The following PATJ variants were observed in gnomAD, a reference collection of about 807,000 sequenced individuals.
PATJ encodes the protein PATJ crumbs cell polarity complex component.
Under a neutral mutation model 224.9 loss-of-function variants are expected in PATJ, and 190 were observed. The observed-to-expected ratio is 0.84, with a 90% CI of 0.75 to 0.95. The LOEUF is 0.95. Among genes scored for constraint, PATJ ranks in the 40% least tolerant of loss-of-function variants. PATJ has a pLI of 0.00. For synonymous variants in PATJ, 769 were observed against 820.3 expected, an observed-to-expected ratio of 0.94 and a Z score of 1.07; for missense variants, 2,121 against 2,270.3, an observed-to-expected ratio of 0.93 and a Z score of 1.34.
intron 41 of PATJ, among the ~76,000 whole-genome samples, chr1:62,135,794 A>G (rs575277988): frequency 1.3e-5 from 2 of 152,258 alleles, no homozygotes; most frequent in South Asian, 4.1e-4. Flanking sequence ...TAAATACAGG[A>G]TGTTGCAAAT....
chr1:61,836,283 T>A (rs549776289), intron 17 of PATJ, among the ~76,000 whole-genome samples: 22 of 152,376 alleles, frequency 1.4e-4, no homozygotes, highest in Middle Eastern at 3.4e-3. Flanking sequence ...TATAGGATTT[T>A]CCTTTTCCTC....
rs964110111 is a variant in PATJ at position 62,163,522 on chromosome 1, T to G, written c.*2468T>G. On this transcript the variant is annotated 3_prime_UTR_variant, in exon 44 of 44. Transcript: ENST00000642238. ...TGAGATAATACATTGTTGTGGTGTT[T>G]CTTTATACATTATCCTTTTAGGTCG... The G allele has an allele frequency of 1.3e-5, 2 of 152,794 alleles. No homozygotes were observed. The highest frequency in any genetic ancestry group is 4.8e-5 in the African/African-American group (2 of 41,588). The allele number at this position is 152,794 out of a possible 1,614,324, so 9.5% of individuals were successfully genotyped here.
intron 14 of PATJ, among the ~76,000 whole-genome samples, chr1:61,819,026 A>G (rs898771914): frequency 1.3e-5 from 2 of 152,174 alleles, no homozygotes; most frequent in African/African-American, 4.8e-5. Flanking sequence ...AGTTGTTACC[A>G]CCATGTACTC....
In PATJ at chr1:61,845,494, C is replaced by T. The variant is rs189611423; in HGVS notation, c.2113-10536C>T. Among the ~76,000 whole-genome samples, 202 of 152,228 alleles carry T rather than the reference C, an allele frequency of 1.3e-3. 2 individuals carry two copies. The South Asian group carries it at 0.031, about 23-fold the overall frequency. On this transcript the variant is annotated intron_variant, in intron 17 of 43. Transcript: ENST00000642238. ...ATTCTTGAAGCCTTATGATCCCTTG[C>T]CTTTACTCCTCTCACCTGGCCAAAG...
intron 20 of PATJ, among the ~76,000 whole-genome samples, chr1:61,869,307 C>T (rs1044995552): frequency 2.6e-5 from 4 of 151,688 alleles, no homozygotes; most frequent in East Asian, 1.9e-4. Context: ...GGGGTTTCAC[C>T]GTTTTAGCCG....
intron 33 of PATJ, among the ~76,000 whole-genome samples, chr1:62,102,357 T>G (rs1341456557): frequency 2.0e-5 from 3 of 152,214 alleles, no homozygotes; most frequent in South Asian, 2.1e-4. Context: ...CACCTATAAA[T>G]GATCCTCAGT....
At chr1:62,107,346 C>T (rs1663221735) in intron 33 of PATJ, among the ~76,000 whole-genome samples, 1 of 151,776 alleles carries the variant, frequency 6.6e-6, no homozygotes, top group Admixed American at 6.6e-5. Flanking sequence ...CTCTCAGCAG[C>T]CCTCTAAGAC....
intron 9 of PATJ, among the ~76,000 whole-genome samples, chr1:61,792,836 A>C (rs1339021378): frequency 1.3e-5 from 2 of 151,980 alleles, no homozygotes; most frequent in African/African-American, 2.4e-5. Context: ...GACCCATTTT[A>C]CTTCTTTACC....
At chr1:61,953,267 G>A (rs1405376105) in intron 27 of PATJ, among the ~76,000 whole-genome samples, 1 of 152,128 alleles carries the variant, frequency 6.6e-6, no homozygotes. Flanking sequence ...ATTGCCTAAG[G>A]GAGGCAATTG....
At position 62,117,120 on chromosome 1, in the gene PATJ, T is replaced by C; in HGVS notation, c.4804-12T>C. 4 of 1,609,008 alleles carry C rather than the reference T, an allele frequency of 2.5e-6. No homozygotes were observed. Among genetic ancestry groups the C allele is most frequent in the Non-Finnish European group, 3.4e-6 (4 of 1,176,026 alleles). On this transcript the variant is annotated splice_polypyrimidine_tract_variant and intron_variant, in intron 36 of 43. Transcript: ENST00000642238. ...CTACTTTTCATTTCTGTTCTTTTCT[T>C]GCCTTTCCAAGTGTGCACAGGGACT...
At chr1:62,027,628 CTTTTT>C (rs57019359) in intron 29 of PATJ, among the ~76,000 whole-genome samples, 12,296 of 109,570 alleles carry the variant, frequency 0.11, 424 homozygotes, top group Middle Eastern at 0.28. Flanking sequence ...GCCAACATTC[CTTTTT>C]TTTTTTTTTT....
At chr1:62,159,585 A>C (rs1669649100) in intron 43 of PATJ, among the ~76,000 whole-genome samples, 1 of 143,314 alleles carries the variant, frequency 7.0e-6, no homozygotes, top group Non-Finnish European at 1.5e-5. Flanking sequence ...CCTGAGACAG[A>C]GCTCACTCTG....
At chr1:61,809,851 C>CT (rs34929042) in intron 14 of PATJ, among the ~76,000 whole-genome samples, 76,968 of 138,926 alleles carry the variant, frequency 0.55, 23,224 homozygotes, top group South Asian at 0.74. Context: ...TCTTTTCTTT[C>CT]TTTTTTTTTT....
chr1:61,877,974 G>A (rs939665522), intron 21 of PATJ, among the ~76,000 whole-genome samples: 10 of 152,174 alleles, frequency 6.6e-5, no homozygotes, highest in African/African-American at 9.7e-5. Flanking sequence ...TGCGTGAAGC[G>A]CTGTGACAGG....
intron 30 of PATJ, among the ~76,000 whole-genome samples, chr1:62,040,266 G>A (rs1461657677): frequency 6.6e-6 from 1 of 151,610 alleles, no homozygotes; most frequent in African/African-American, 2.4e-5. Flanking sequence ...ACACTACCAC[G>A]CCTGGCTAAT....
In PATJ at chr1:61,856,065, C is replaced by A. The variant is rs1393070416; in HGVS notation, c.2148C>A (p.Ile716=). 1 of 1,614,092 alleles carries A rather than the reference C, an allele frequency of 6.2e-7. No homozygotes were observed. ...PLDPTRSVIV[I]RSLVADGVAE... ...ATCCTACAAGATCAGTGATTGTGATCCGCTCCCTGGTAGCAGATGGTGTAG... is the reference window on the plus strand; with the variant it reads ...ATCCTACAAGATCAGTGATTGTGATACGCTCCCTGGTAGCAGATGGTGTAG... The change falls in exon 18 of 44, where the codon ATC becomes ATA. Residue 716 remains isoleucine, a synonymous_variant. Coordinates refer to ENST00000642238, the MANE Select transcript of PATJ (RefSeq NM_001350145.3).
chr1:61,926,544 C>T (rs188252905), intron 26 of PATJ, among the ~76,000 whole-genome samples: 1 of 152,198 alleles, frequency 6.6e-6, no homozygotes, highest in Non-Finnish European at 1.5e-5. Flanking sequence ...CTTCATTTCA[C>T]TCACTTTTAA....
intron 28 of PATJ, among the ~76,000 whole-genome samples, chr1:62,002,709 CAAAAA>C (rs766357883): frequency 2.7e-5 from 3 of 112,802 alleles, no homozygotes; most frequent in Non-Finnish European, 3.7e-5. Context: ...AACTCTGTCT[CAAAAA>C]AAAAAAAAAA....
chr1:61,788,374 T>G (rs1649049397), intron 8 of PATJ, among the ~76,000 whole-genome samples: 1 of 151,894 alleles, frequency 6.6e-6, no homozygotes, highest in Non-Finnish European at 1.5e-5. Context: ...ATTATTTTAA[T>G]TATGTAATAA....
Sources: gnomAD v4.1 joint callset for allele counts (sites outside exome capture counted in the v4.1 genomes callset) on GRCh38, gnomAD v4.1.1 for gene constraint, MANE v1.5 for transcripts, NCBI Gene and HGNC (gene_info 2026-07-23, HGNC 2026-07-21) for gene names.